PCDHA10: variants seen among roughly 807,000 people sequenced by gnomAD.
The protein encoded by PCDHA10 is protocadherin alpha-10.
PCDHA10 carries 45 observed loss-of-function variants against 61.2 expected under a neutral mutation model. The ratio of observed to expected loss-of-function variants is 0.74; its 90% CI spans 0.58 to 0.94. The LOEUF is 0.94. Among genes scored for constraint, PCDHA10 ranks in the 40% least tolerant of loss-of-function variants. The probability of loss-of-function intolerance (pLI) is 0.00; values close to 1 mark genes in which losing one functional copy is unlikely to be tolerated. For synonymous variants in PCDHA10, 602 were observed against 548.8 expected (o/e 1.10, Z -1.35); for missense variants, 1,278 against 1,236.2 (o/e 1.03, Z -0.51).
chr5:140,863,150 AC>A (rs1554157831), intron 1 of PCDHA10: 2 of 619,160 alleles, frequency 3.2e-6, no homozygotes, highest in Non-Finnish European at 6.2e-6. Context: ...CTGGTGAAGG[AC>A]CACTGCGAGC....
chr5:140,882,775 C>G, intron 1 of PCDHA10: 10 of 1,614,220 alleles, frequency 6.2e-6, no homozygotes, highest in Non-Finnish European at 8.5e-6. Flanking sequence ...CGGCATTGAC[C>G]TACCGACTGG....
At chr5:141,000,643 G>A (rs2097954450) in intron 3 of PCDHA10, among the ~76,000 whole-genome samples, 1 of 151,102 alleles carries the variant, frequency 6.6e-6, no homozygotes, top group Non-Finnish European at 1.5e-5. Context: ...GGGCAGGCTG[G>A]TCTCGAACTC....
chr5:141,009,178 G>A (rs1233603015), intron 3 of PCDHA10, among the ~76,000 whole-genome samples: 1 of 152,212 alleles, frequency 6.6e-6, no homozygotes, highest in African/African-American at 2.4e-5. Context: ...GCCTTGGCTG[G>A]GTGTGGTAGC....
At chr5:140,867,714 T>C (rs1345564202) in intron 1 of PCDHA10, 1 of 152,070 alleles carries the variant, frequency 6.6e-6, no homozygotes, top group Non-Finnish European at 1.5e-5. Flanking sequence ...CCTAAGGGTA[T>C]ATGAAAAGAC....
chr5:140,857,106 C>A lies in PCDHA10; in HGVS notation c.1058C>A (p.Ser353Tyr), dbSNP rs2044362842. The A allele has an allele frequency of 1.3e-6, 2 of 1,597,856 alleles. No individual in the cohort carries two copies. Among genetic ancestry groups the A allele is most frequent in the African/African-American group, 2.7e-5 (2 of 74,352 alleles). ...AATTCACCTGAGGTGATTGTCACTT[C>A]TCTGTCTCTCCCAGTGAAAGAAGAT... is the stretch of plus-strand genomic sequence containing the variant. ...NDNSPEVIVT[S>Y]LSLPVKEDAQ... Residue 353 changes from serine (S) to tyrosine (Y), a missense_variant, in exon 1 of 4, where the codon TCT becomes TAT. Ser to Tyr is a moderately radical substitution (Grantham distance 144). Transcript: ENST00000307360.
chr5:140,919,080 T>C (rs1208413625), intron 1 of PCDHA10, among the ~76,000 whole-genome samples: 1 of 152,260 alleles, frequency 6.6e-6, no homozygotes, highest in Non-Finnish European at 1.5e-5. Flanking sequence ...GTTATGACTA[T>C]TGAATTGTCT....
chr5:140,881,414 A>G, intron 1 of PCDHA10: 1 of 936,538 alleles, frequency 1.1e-6, no homozygotes, highest in African/African-American at 1.8e-5. Flanking sequence ...TCAATAGGAT[A>G]TTAGTTCCAG....
intron 3 of PCDHA10, among the ~76,000 whole-genome samples, chr5:140,999,590 C>T (rs951986017): frequency 3.3e-5 from 5 of 152,132 alleles, no homozygotes; most frequent in Non-Finnish European, 7.3e-5. Context: ...AAATTGCCTT[C>T]CCTACATCCT....
At chr5:140,878,923 A>G (rs895670993) in intron 1 of PCDHA10, among the ~76,000 whole-genome samples, 8 of 152,222 alleles carry the variant, frequency 5.3e-5, no homozygotes, top group African/African-American at 1.9e-4. Flanking sequence ...AGCTTCAATC[A>G]ATAATTTTAA....
chr5:140,997,668 T>TTGTGTGTGTGTG (rs35184029), intron 3 of PCDHA10, among the ~76,000 whole-genome samples: 18 of 148,344 alleles, frequency 1.2e-4, no homozygotes, highest in Middle Eastern at 3.4e-3. Flanking sequence ...ATTATACAGC[T>TTGTGTGTGTGTG]TGTGTGTGTG....
chr5:140,870,054 T>A (rs895309313), intron 1 of PCDHA10: 2 of 1,613,676 alleles, frequency 1.2e-6, no homozygotes, highest in African/African-American at 2.7e-5. Flanking sequence ...TTTATAAAAT[T>A]GAAGTACAGG....
At chr5:140,992,637 G>A (rs31872) in intron 3 of PCDHA10, among the ~76,000 whole-genome samples, 103,738 of 151,942 alleles carry the variant, frequency 0.68, 36,576 homozygotes, top group African/African-American at 0.86. Flanking sequence ...AACTTCCCTG[G>A]AAAATAGAAG....
chr5:140,877,521 AG>A, intron 1 of PCDHA10: 1 of 1,613,770 alleles, frequency 6.2e-7, no homozygotes, highest in African/African-American at 1.3e-5. Context: ...CGCGGGCCTC[AG>A]TGGGCGCTGT....
intron 1 of PCDHA10, chr5:140,871,301 CGGG>C: frequency 6.2e-7 from 1 of 1,613,916 alleles, no homozygotes; most frequent in East Asian, 2.2e-5. Context: ...GCGTGCGCGC[CGGG>C]GAAGCCCACG....
intron 3 of PCDHA10, among the ~76,000 whole-genome samples, chr5:140,983,909 C>G (rs2097076070): frequency 6.6e-6 from 1 of 152,226 alleles, no homozygotes. Flanking sequence ...TGATTCTAAT[C>G]AGCCAGGATT....
At chr5:140,928,227 T>G (rs781923359) in intron 1 of PCDHA10, 2 of 1,614,198 alleles carry the variant, frequency 1.2e-6, no homozygotes, top group South Asian at 2.2e-5. Context: ...CACCAAACTT[T>G]CCTCAACCCC....
chr5:140,867,150 G>C lies in PCDHA10; in HGVS notation c.2388+8714G>C, dbSNP rs1027648085. On this transcript the variant is annotated intron_variant, in intron 1 of 3. Coordinates refer to ENST00000307360, the MANE Select transcript of PCDHA10 (RefSeq NM_018901.4). ...AATATGTGATATTATCATTTTTCCA[G>C]AGTAAACCTTCTAAGGTTCATTTCC... The C allele has an allele frequency of 2.0e-5, 3 of 152,068 alleles. No individual in the cohort carries two copies. The East Asian group carries it at 5.8e-4, about 29-fold the overall frequency. The allele number at this position is 152,068 out of a possible 1,614,324, so 9.4% of individuals were successfully genotyped here. A position where few individuals can be genotyped will look rare whatever the true frequency, so the allele number is the denominator to read the frequency against.
At chr5:140,872,364 G>A (rs538641401) in intron 1 of PCDHA10, among the ~76,000 whole-genome samples, 1 of 152,132 alleles carries the variant, frequency 6.6e-6, no homozygotes, top group South Asian at 2.1e-4. Context: ...AAGTGGTTCA[G>A]GCCTGTAATC....
chr5:140,858,066 AG>A lies in PCDHA10; in HGVS notation c.2020del (p.Ala674HisfsTer25). 6.3e-7 allele frequency: 1 copy of A among 1,597,600 alleles called. No individual in the cohort carries two copies. The highest frequency in any genetic ancestry group is 8.6e-7 in the Non-Finnish European group (1 of 1,167,564). On this transcript the variant is annotated frameshift_variant, in exon 1 of 4. Transcript: ENST00000307360. LOFTEE classifies it high-confidence loss of function. ...CTTGTGTCGCTTGTGGAGGGCAGCC[AG>A]GCACCCAAGGCCTCGTCGCGGGCTT... ...TVLVSLVEGSQAPKASSRASV... is the reference protein window; with the variant it reads ...TVLVSLVEGSXAPKASSRASV...
Sources: gnomAD v4.1 joint callset for allele counts (sites outside exome capture counted in the v4.1 genomes callset) on GRCh38, gnomAD v4.1.1 for gene constraint, MANE v1.5 for transcripts, NCBI Gene and HGNC (gene_info 2026-07-23, HGNC 2026-07-21) for gene names.